The following UMODL1 variants were observed in gnomAD, a reference collection of about 807,000 sequenced individuals.
UMODL1 encodes the protein uromodulin-like 1.
Under a neutral mutation model 136.3 loss-of-function variants are expected in UMODL1, and 128 were observed. The ratio of observed to expected loss-of-function variants is 0.94; its 90% CI spans 0.81 to 1.09. The LOEUF is 1.09. Among genes scored for constraint, UMODL1 ranks in the 50% least tolerant of loss-of-function variants. UMODL1 has a pLI of 0.00. For missense variants in UMODL1, 1,766 were observed against 1,725.6 expected (o/e 1.02, Z -0.41); for synonymous variants, 721 against 720.0 (o/e 1.00, Z -0.02).
chr21:42,129,814 GT>G lies in UMODL1; in HGVS notation c.3775+20del. ...GGTCTGAAGGTGAGTTGATGACTTG[GT>G]TTAGACAATGAAAGAAAAGATGCAA... On this transcript the variant is annotated intron_variant, in intron 21 of 22. Transcript: ENST00000408910. 1 of 1,525,394 alleles carries G rather than the reference GT, an allele frequency of 6.6e-7. No individual in the cohort carries two copies. The highest frequency in any genetic ancestry group is 8.8e-7 in the Non-Finnish European group (1 of 1,140,436). 94.5% of individuals were successfully genotyped at this position (1,525,394 alleles called of 1,614,324 possible).
chr21:42,119,182 C>A lies in UMODL1; in HGVS notation c.2547C>A (p.Ser849Arg). The A allele has an allele frequency of 1.2e-6, 2 of 1,614,164 alleles. No homozygotes were observed. Among genetic ancestry groups the A allele is most frequent in the Non-Finnish European group, 1.7e-6 (2 of 1,180,014 alleles). Residue 849 changes from serine (S) to arginine (R), a missense_variant, in exon 15 of 23, where the codon AGC (serine) becomes AGA (arginine). Physicochemically the swap from Ser to Arg is moderately radical, Grantham distance 110 (BLOSUM62 -1). Coordinates refer to ENST00000408910, the MANE Select transcript of UMODL1 (RefSeq NM_001004416.3). ...GTGGGGTCAGGATGGAAGTCGTCAG[C>A]GTCACCAACGGCAGCATCGTGGTGG... The part of the protein sequence containing the change: ...DAGGVRMEVV[S>R]VTNGSIVVEF...
chr21:42,100,445 G>A (rs2066612717), intron 7 of UMODL1, among the ~76,000 whole-genome samples: 1 of 151,968 alleles, frequency 6.6e-6, no homozygotes, highest in Non-Finnish European at 1.5e-5. Context: ...AGTCCTCATA[G>A]CAGCCAGCAC....
intron 14 of UMODL1, among the ~76,000 whole-genome samples, chr21:42,118,554 G>A (rs2066927886): frequency 6.6e-6 from 1 of 152,156 alleles, no homozygotes; most frequent in African/African-American, 2.4e-5. Context: ...CAGGGCGTTC[G>A]GGGGCAGGAA....
chr21:42,111,174 T>G (rs762596778), intron 11 of UMODL1, 53 bp downstream of exon 11: 7 of 1,572,782 alleles, frequency 4.5e-6, no homozygotes, highest in South Asian at 3.4e-5. Flanking sequence ...CCCAGCCAGG[T>G]GAACCCCAGC....
intron 2 of UMODL1, among the ~76,000 whole-genome samples, chr21:42,082,434 C>A (rs925914576): frequency 2.6e-5 from 4 of 152,220 alleles, no homozygotes; most frequent in Admixed American, 2.6e-4. Context: ...AGGTCTTGAG[C>A]TGTGCTCCTA....
At position 42,115,872 on chromosome 21, in the gene UMODL1, G is replaced by A. The variant is rs1303048632; in HGVS notation, c.2363-1G>A. 1 of 1,613,214 alleles carries A rather than the reference G, an allele frequency of 6.2e-7. No homozygotes were observed. Among genetic ancestry groups the A allele is most frequent in the Non-Finnish European group, 8.5e-7 (1 of 1,179,374 alleles). ...AAATGTGCTTATCCTCCATCCTGCA[G>A]CAGCCCGGAAGCTCATTGGAAAGGT... On this transcript the variant is annotated splice_acceptor_variant, in intron 13 of 22. Transcript: ENST00000408910. LOFTEE classifies it high-confidence loss of function.
At position 42,126,219 on chromosome 21, in the gene UMODL1, G is replaced by C. The variant is rs184522162; in HGVS notation, c.3148-126G>C. Reference sequence around the variant, plus strand: ...TGGTTGGGAGAATCGCCAGGATCTCGATGCTGCTGGGGAGAGGCTTTAGAG... The same window carrying C: ...TGGTTGGGAGAATCGCCAGGATCTCCATGCTGCTGGGGAGAGGCTTTAGAG... On this transcript the variant is annotated intron_variant, in intron 17 of 22. Coordinates refer to ENST00000408910, the MANE Select transcript of UMODL1 (RefSeq NM_001004416.3). 1.0e-4 allele frequency: 143 copies of C among 1,384,086 alleles called. 2 individuals are homozygous for C. In the South Asian group the frequency reaches 2.0e-3, roughly 19 times the overall value. The allele number at this position is 1,384,086 out of a possible 1,614,324, so 85.7% of individuals were successfully genotyped here. A position where few individuals can be genotyped will look rare whatever the true frequency, so the allele number is the denominator to read the frequency against.
At chr21:42,129,031 G>T (rs971025272) in intron 20 of UMODL1, among the ~76,000 whole-genome samples, 4 of 151,898 alleles carry the variant, frequency 2.6e-5, no homozygotes, top group African/African-American at 9.7e-5. Flanking sequence ...TGGTGGCCTC[G>T]GGCGTTCCTT....
chr21:42,076,030 C>G lies in UMODL1; in HGVS notation c.102C>G (p.Tyr34Ter). 1 of 1,614,130 alleles carries G rather than the reference C, an allele frequency of 6.2e-7. No individual in the cohort carries two copies. Among genetic ancestry groups the G allele is most frequent in the Non-Finnish European group, 8.5e-7 (1 of 1,179,952 alleles). ...FTEKGLSLLGYQLCSHRVTHT... is the reference protein window; with the variant it reads ...FTEKGLSLLG ...AAAAAGGCCTCTCCCTGTTGGGCTACCAGCTATGCAGCCACCGTGTGACCC... is the reference window on the plus strand; with the variant it reads ...AAAAAGGCCTCTCCCTGTTGGGCTAGCAGCTATGCAGCCACCGTGTGACCC... Residue 34 changes from tyrosine to a stop codon, truncating the protein, a stop_gained, in exon 2 of 23, where the codon TAC (tyrosine) becomes TAG (stop). Coordinates refer to ENST00000408910, the MANE Select transcript of UMODL1 (RefSeq NM_001004416.3). LOFTEE classifies it high-confidence loss of function.
intron 6 of UMODL1, among the ~76,000 whole-genome samples, chr21:42,092,517 G>A (rs2066504148): frequency 6.6e-6 from 1 of 152,000 alleles, no homozygotes; most frequent in Non-Finnish European, 1.5e-5. Context: ...GATAATTATT[G>A]GTGGTTGAAA....
At chr21:42,102,426 C>T (rs143465197) in intron 8 of UMODL1, 148 bp downstream of exon 8, 67 of 571,170 alleles carry the variant, frequency 1.2e-4, no homozygotes, top group African/African-American at 1.1e-3. Context: ...AAACCCAAAT[C>T]GCACAGTGAT....
At chr21:42,129,041 T>G (rs1475591277) in intron 20 of UMODL1, among the ~76,000 whole-genome samples, 1 of 151,546 alleles carries the variant, frequency 6.6e-6, no homozygotes, top group Non-Finnish European at 1.5e-5. Context: ...GGGCGTTCCT[T>G]GGCTGGTAGA....
intron 6 of UMODL1, among the ~76,000 whole-genome samples, chr21:42,095,450 G>A (rs8133193): frequency 0.1 from 15,784 of 150,898 alleles, 1,011 homozygotes; most frequent in African/African-American, 0.19. Context: ...GCTTCATACC[G>A]CCTTCTCCTT....
chr21:42,123,633 G>A lies in UMODL1; in HGVS notation c.3147+483G>A, dbSNP rs1601261294. 7.2e-5 allele frequency among the ~76,000 whole-genome samples: 11 copies of A among 152,154 alleles called. No individual in the cohort carries two copies. The highest frequency in any genetic ancestry group is 4.6e-4 in the Admixed American group (7 of 15,286). On this transcript the variant is annotated intron_variant, in intron 17 of 22. Coordinates refer to ENST00000408910, the MANE Select transcript of UMODL1 (RefSeq NM_001004416.3). This position sits in a 1 kb window ranked among gnomAD's most constrained non-coding sequence, Gnocchi z 4.4. ...TATGCATGGCTGTGCTTATATGTACGTGCGTGTGTGTGTGCATGTGTATCG... is the reference window on the plus strand; with the variant it reads ...TATGCATGGCTGTGCTTATATGTACATGCGTGTGTGTGTGCATGTGTATCG...
chr21:42,109,952 A>G (rs974223455), intron 10 of UMODL1, among the ~76,000 whole-genome samples: 1 of 152,220 alleles, frequency 6.6e-6, no homozygotes, highest in East Asian at 1.9e-4. Context: ...ATAAAATGTA[A>G]TTTTTGATAG....
rs539826734 is a variant in UMODL1 at position 42,107,584 on chromosome 21, G to A, written c.1520-1978G>A. Among the ~76,000 whole-genome samples the A allele has an allele frequency of 1.3e-4, 20 of 152,254 alleles. No homozygotes were observed. The South Asian group carries it at 1.7e-3, about 13-fold the overall frequency. ...TCACGGGTACCGCTATTTGTCCAGC[G>A]TCCATTTGCGGTGGCATTAGGATGA... is the stretch of plus-strand genomic sequence containing the variant. On this transcript the variant is annotated intron_variant, in intron 9 of 22. Transcript: ENST00000408910.
chr21:42,126,302 C>T lies in UMODL1; in HGVS notation c.3148-43C>T, dbSNP rs199795911. The T allele has an allele frequency of 7.4e-4, 1,196 of 1,609,994 alleles. 2 individuals are homozygous for T. Among genetic ancestry groups the T allele is most frequent in the Non-Finnish European group, 8.9e-4 (1,046 of 1,177,934 alleles). On this transcript the variant is annotated intron_variant, in intron 17 of 22. Transcript: ENST00000408910. ...TGGCCCACAGCAGGGCGTGGGGGGC[C>T]GGCTGGGGCCTGGGAGCTCCTCATG...
At chr21:42,088,514 C>T in intron 5 of UMODL1, 34 bp downstream of exon 5, 1 of 1,562,632 alleles carries the variant, frequency 6.4e-7, no homozygotes, top group East Asian at 2.3e-5. Flanking sequence ...TCTGGGGAGG[C>T]TGCAGGGTGG....
rs58764222 is a variant in UMODL1, at chr21:42,095,089, GTTTTTT to G, written c.932-3819_932-3814del. ...CATCACTCCTTTGTTTTCTTCTGCTGTTTTTTTTTTTTTTTTTTTTTTTGAGACAGG... is the reference window on the plus strand; with the variant it reads ...CATCACTCCTTTGTTTTCTTCTGCTGTTTTTTTTTTTTTTTTTGAGACAGG... On this transcript the variant is annotated intron_variant, in intron 6 of 22. Coordinates refer to ENST00000408910, the MANE Select transcript of UMODL1 (RefSeq NM_001004416.3). Among the ~76,000 whole-genome samples the G allele has an allele frequency of 8.6e-3, 524 of 61,214 alleles. 15 individuals are homozygous for G. Among genetic ancestry groups the G allele is most frequent in the African/African-American group, 0.03 (470 of 15,902 alleles). The allele number at this position is 61,214 out of a possible 152,430, so 40.2% of individuals were successfully genotyped here. A position where few individuals can be genotyped will look rare whatever the true frequency, so the allele number is the denominator to read the frequency against.
Sources: gnomAD v4.1 joint callset for allele counts (sites outside exome capture counted in the v4.1 genomes callset) on GRCh38, gnomAD v4.1.1 for gene constraint, Gnocchi (gnomAD v3.1) non-coding constraint, MANE v1.5 for transcripts, NCBI Gene and HGNC (gene_info 2026-07-23, HGNC 2026-07-21) for gene names.